Variants in PRR30 observed in about 807,000 individuals in gnomAD.
The protein encoded by PRR30 is proline-rich protein 30.
For missense variants in PRR30, 546 were observed against 525.3 expected (o/e 1.04, Z -0.39); for synonymous variants, 229 against 222.7 (o/e 1.03, Z -0.25).
In PRR30 at chr2:27,137,448, T is replaced by C; in HGVS notation, c.882A>G (p.Ile294Met). The C allele has an allele frequency of 6.2e-7, 1 of 1,612,412 alleles. No individual in the cohort carries two copies. The highest frequency in any genetic ancestry group is 8.5e-7 in the Non-Finnish European group (1 of 1,179,608). The change falls in exon 3 of 3, where the codon ATA (isoleucine) becomes ATG (methionine). Residue 294 changes from isoleucine to methionine, a missense_variant. Physicochemically the swap from Ile to Met is conservative, Grantham distance 10 (BLOSUM62 1). Transcript: ENST00000335524. The surrounding 1 kb of genome is among the most constrained non-coding windows in gnomAD (Gnocchi z 4.3). ...VQGQESGPLR[I>M]GIGFGLRLPQ... Reference sequence around the variant, plus strand: ...GCAGGCGGAGGCCGAAGCCGATGCCTATCCGGAGTGGCCCAGATTCCTGGC... The same window carrying C: ...GCAGGCGGAGGCCGAAGCCGATGCCCATCCGGAGTGGCCCAGATTCCTGGC...
Position 27,137,809 on chromosome 2 carries a change from T to G in PRR30, c.521A>C (p.Gln174Pro). The part of the protein sequence containing the change: ...PPSHRLHSNR[Q>P]TWRWHQYRDT... ...CCTGTACTGATGCCAGCGCCATGTC[T>G]GCCTGTTAGAGTGGAGCCTATGAGA... is the stretch of plus-strand genomic sequence containing the variant. Residue 174 changes from glutamine (Q) to proline (P), a missense_variant, in exon 3 of 3, where the codon CAG becomes CCG. Coordinates refer to ENST00000335524, the MANE Select transcript of PRR30 (RefSeq NM_178553.4). The surrounding 1 kb of genome is among the most constrained non-coding windows in gnomAD (Gnocchi z 4.3). 6.2e-7 allele frequency: 1 copy of G among 1,604,508 alleles called. No individual in the cohort carries two copies.
Position 27,137,538 on chromosome 2 carries a change from G to T in PRR30, c.792C>A (p.Pro264=). The T allele has an allele frequency of 6.3e-7, 1 of 1,587,650 alleles. No homozygotes were observed. Residue 264 remains proline (P), a synonymous_variant, in exon 3 of 3, where the codon CCC becomes CCA. Coordinates refer to ENST00000335524, the MANE Select transcript of PRR30 (RefSeq NM_178553.4). This position sits in a 1 kb window ranked among gnomAD's most constrained non-coding sequence, Gnocchi z 4.3. ...GGGGTCCAGTCCTGTACCTGGGGAG[G>T]GGGCAGGAGGGGCTGCGGGGCCGGA... is the stretch of plus-strand genomic sequence containing the variant. ...VCLRPRSPSC[P]LPRYRTGPRL...
Position 27,137,022 on chromosome 2 carries a change from AGATCTGGGGCCT to A in PRR30, c.*57_*68del. 1 of 1,550,856 alleles carries A rather than the reference AGATCTGGGGCCT, an allele frequency of 6.4e-7. No individual in the cohort carries two copies. The highest frequency in any genetic ancestry group is 8.7e-7 in the Non-Finnish European group (1 of 1,150,078). On this transcript the variant is annotated 3_prime_UTR_variant, in exon 3 of 3. Transcript: ENST00000335524. The surrounding 1 kb of genome is among the most constrained non-coding windows in gnomAD (Gnocchi z 4.3). ...TTCAGGGTGTCTCGGGGACTCCCCG[AGATCTGGGGCCT>A]GGTTGGGAGGGTTGGGTTTGGAGGG... is the stretch of plus-strand genomic sequence containing the variant.
In PRR30 at chr2:27,137,216, G is replaced by C; in HGVS notation, c.1114C>G (p.Arg372Gly). ...SAGLQSPNSP[R>G]CFSGPPPRAP... is the part of the protein sequence containing the mutation. Reference sequence around the variant, plus strand: ...CGAGGTGGAGGCCCGGAGAAACATCGTGGGGAGTTTGGTGATTGAAGGCCT... The same window carrying C: ...CGAGGTGGAGGCCCGGAGAAACATCCTGGGGAGTTTGGTGATTGAAGGCCT... Residue 372 changes from arginine (R) to glycine (G), a missense_variant, in exon 3 of 3, where the codon CGA becomes GGA. By Grantham distance (125) the Arg-to-Gly change is moderately radical (BLOSUM62 -2). Transcript: ENST00000335524. This position sits in a 1 kb window ranked among gnomAD's most constrained non-coding sequence, Gnocchi z 4.3. 1 of 1,614,218 alleles carries C rather than the reference G, an allele frequency of 6.2e-7. No individual in the cohort carries two copies. Among genetic ancestry groups the C allele is most frequent in the Non-Finnish European group, 8.5e-7 (1 of 1,180,022 alleles).
At position 27,137,020 on chromosome 2, in the gene PRR30, C is replaced by G. The variant is rs1356412455; in HGVS notation, c.*71G>C. Reference sequence around the variant, plus strand: ...CCTTCAGGGTGTCTCGGGGACTCCCCGAGATCTGGGGCCTGGTTGGGAGGG... The same window carrying G: ...CCTTCAGGGTGTCTCGGGGACTCCCGGAGATCTGGGGCCTGGTTGGGAGGG... On this transcript the variant is annotated 3_prime_UTR_variant, in exon 3 of 3. Transcript: ENST00000335524. This position sits in a 1 kb window ranked among gnomAD's most constrained non-coding sequence, Gnocchi z 4.3. The G allele has an allele frequency of 1.3e-6, 2 of 1,545,134 alleles. No homozygotes were observed. Among genetic ancestry groups the G allele is most frequent in the Admixed American group, 2.0e-5 (1 of 49,532 alleles).
At position 27,138,452 on chromosome 2, in the gene PRR30, C is replaced by A; in HGVS notation, c.-123G>T. ...TCAAGGCCACCTTCTGTGCGCAGAG[C>A]GTGGCTCCAGCCTGGTGTGGGTGCA... On this transcript the variant is annotated 5_prime_UTR_variant, in exon 3 of 3. Coordinates refer to ENST00000335524, the MANE Select transcript of PRR30 (RefSeq NM_178553.4). 2 of 1,456,956 alleles carry A rather than the reference C, an allele frequency of 1.4e-6. No homozygotes were observed. The highest frequency in any genetic ancestry group is 1.8e-6 in the Non-Finnish European group (2 of 1,104,344). The allele number at this position is 1,456,956 out of a possible 1,614,324, so 90.3% of individuals were successfully genotyped here.
Position 27,138,129 on chromosome 2 carries a change from G to T in PRR30, c.201C>A (p.Pro67=). ...AAGAGCCGAATTGGAAGCCAGGAGA[G>T]GGGGATGCTGGTGGAGGGGAGGAGG... ...RRPSSPPPAS[P]SPGFQFGSCD... The change falls in exon 3 of 3, where the codon CCC becomes CCA. Residue 67 remains proline, a synonymous_variant. Coordinates refer to ENST00000335524, the MANE Select transcript of PRR30 (RefSeq NM_178553.4). 6.2e-7 allele frequency: 1 copy of T among 1,614,056 alleles called. No individual in the cohort carries two copies.
At position 27,136,914 on chromosome 2, in the gene PRR30, T is replaced by G; in HGVS notation, c.*177A>C. 15 of 879,912 alleles carry G rather than the reference T, an allele frequency of 1.7e-5. No individual in the cohort carries two copies. Among genetic ancestry groups the G allele is most frequent in the Non-Finnish European group, 2.4e-5 (14 of 593,038 alleles). The allele number at this position is 879,912 out of a possible 1,614,324, so 54.5% of individuals were successfully genotyped here. ...TGGGGCCTTGGTGCCCTTGGTCCTC[T>G]TCAGCCTGGAGACAGCAGACTCCAC... On this transcript the variant is annotated 3_prime_UTR_variant, in exon 3 of 3. Transcript: ENST00000335524.
At position 27,137,736 on chromosome 2, in the gene PRR30, G is replaced by C. The variant is rs1050563892; in HGVS notation, c.594C>G (p.Ser198Arg). 5 of 1,613,974 alleles carry C rather than the reference G, an allele frequency of 3.1e-6. No homozygotes were observed. Among genetic ancestry groups the C allele is most frequent in the Non-Finnish European group, 4.2e-6 (5 of 1,180,034 alleles). ...CCCTGAACTGTGCAGGATCCTTCTC[G>C]CTTGGCACGCATCTCTCCACCACTC... ...SPGVVERCVP[S>R]EKDPAQFRDP... The change falls in exon 3 of 3, where the codon AGC becomes AGG. Residue 198 changes from serine to arginine, a missense_variant. Ser to Arg is a moderately radical substitution (Grantham distance 110). Transcript: ENST00000335524. This position sits in a 1 kb window ranked among gnomAD's most constrained non-coding sequence, Gnocchi z 4.3.
chr2:27,138,298 G>A lies in PRR30; in HGVS notation c.32C>T (p.Pro11Leu), dbSNP rs1390407015. The A allele has an allele frequency of 1.2e-6, 2 of 1,608,698 alleles. No homozygotes were observed. Among genetic ancestry groups the A allele is most frequent in the East Asian group, 4.5e-5 (2 of 44,766 alleles). ...GCGCCCAGGGAGCACTGAGGTCTGT[G>A]GCAGCACCTGGTCCTTGTTTTGAGG... MLPQNKDQVL[P>L]QTSVLPGRPT... Residue 11 changes from proline (P) to leucine (L), a missense_variant, in exon 3 of 3, where the codon CCA becomes CTA. Pro to Leu is a moderately conservative substitution (Grantham distance 98). Coordinates refer to ENST00000335524, the MANE Select transcript of PRR30 (RefSeq NM_178553.4).
Position 27,138,562 on chromosome 2 carries a change from G to A in PRR30, c.-233C>T, listed in dbSNP as rs1460789189. 3 of 692,240 alleles carry A rather than the reference G, an allele frequency of 4.3e-6. No homozygotes were observed. In the African/African-American group the frequency reaches 5.4e-5, roughly 12 times the overall value. The allele number at this position is 692,240 out of a possible 1,614,324, so 42.9% of individuals were successfully genotyped here. On this transcript the variant is annotated 5_prime_UTR_variant, in exon 3 of 3. The change creates a premature stop within an existing upstream ORF in the 5' untranslated region. Coordinates refer to ENST00000335524, the MANE Select transcript of PRR30 (RefSeq NM_178553.4). ...CAGGCATGAGCATGAATCTAAGCTT[G>A]GCTTCTCACTTCTTTGCAGTCAACC...
rs1417776382 is a variant in PRR30, at chr2:27,137,763, A to G, written c.567T>C (p.Pro189=). The G allele has an allele frequency of 6.2e-7, 1 of 1,613,640 alleles. No individual in the cohort carries two copies. Among genetic ancestry groups the G allele is most frequent in the Admixed American group, 1.7e-5 (1 of 60,004 alleles). ...HQYRDTGSGS[P]GVVERCVPSE... ...TTGGCACGCATCTCTCCACCACTCC[A>G]GGGGACCCGGACCCAGTGTCCCTGT... The change falls in exon 3 of 3, where the codon CCT becomes CCC. Residue 189 remains proline, a synonymous_variant. Transcript: ENST00000335524. This position sits in a 1 kb window ranked among gnomAD's most constrained non-coding sequence, Gnocchi z 4.3.
Position 27,137,535 on chromosome 2 carries a change from G to A in PRR30, c.795C>T (p.Leu265=). The A allele has an allele frequency of 6.3e-7, 1 of 1,587,582 alleles. No homozygotes were observed. The highest frequency in any genetic ancestry group is 8.6e-7 in the Non-Finnish European group (1 of 1,166,220). The change falls in exon 3 of 3, where the codon CTC becomes CTT. Residue 265 remains leucine (L), a synonymous_variant. Transcript: ENST00000335524. The surrounding 1 kb of genome is among the most constrained non-coding windows in gnomAD (Gnocchi z 4.3). ...CLRPRSPSCP[L]PRYRTGPRLL... Reference sequence around the variant, plus strand: ...GCCGGGGTCCAGTCCTGTACCTGGGGAGGGGGCAGGAGGGGCTGCGGGGCC... The same window carrying A: ...GCCGGGGTCCAGTCCTGTACCTGGGAAGGGGGCAGGAGGGGCTGCGGGGCC...
In PRR30 at chr2:27,137,414, G is replaced by A. The variant is rs776401573; in HGVS notation, c.916C>T (p.Gln306Ter). The A allele has an allele frequency of 1.2e-6, 2 of 1,613,440 alleles. No homozygotes were observed. Among genetic ancestry groups the A allele is most frequent in the South Asian group, 1.1e-5 (1 of 91,078 alleles). The change falls in exon 3 of 3, where the codon CAG becomes TAG. Residue 306 changes from glutamine to a stop codon, truncating the protein, a stop_gained. Coordinates refer to ENST00000335524, the MANE Select transcript of PRR30 (RefSeq NM_178553.4). LOFTEE classifies it low-confidence loss of function (END_TRUNC). This position sits in a 1 kb window ranked among gnomAD's most constrained non-coding sequence, Gnocchi z 4.3. The stretch of plus-strand genomic sequence containing the variant: ...GGCAGCAGATGCAAGGCCCTGGCCT[G>A]GCCCTGAGGCAGGCGGAGGCCGAAG... Reference protein sequence around the residue: ...IGFGLRLPQGQARALHLLPEK... With the variant: ...IGFGLRLPQG
Position 27,137,985 on chromosome 2 carries a change from G to C in PRR30, c.345C>G (p.Asn115Lys), listed in dbSNP as rs775909372. ...GAGGGGGAGAGGGGTACAGCCAGTG[G>C]TTGGAGGGAGAGGATGCACGTGGAC... is the stretch of plus-strand genomic sequence containing the variant. ...LPRPRASSPS[N>K]HWLYPSPPLT... Residue 115 changes from asparagine to lysine, a missense_variant, in exon 3 of 3, where the codon AAC becomes AAG. By Grantham distance (94) the Asn-to-Lys change is moderately conservative. Coordinates refer to ENST00000335524, the MANE Select transcript of PRR30 (RefSeq NM_178553.4). The surrounding 1 kb of genome is among the most constrained non-coding windows in gnomAD (Gnocchi z 4.3). 3 of 1,612,192 alleles carry C rather than the reference G, an allele frequency of 1.9e-6. No homozygotes were observed. The Admixed American group carries it at 5.0e-5, about 27-fold the overall frequency.
Position 27,137,026 on chromosome 2 carries a change from C to T in PRR30, c.*65G>A, listed in dbSNP as rs928833920. The T allele has an allele frequency of 8.3e-6, 13 of 1,559,614 alleles. No homozygotes were observed. The Middle Eastern group carries it at 7.5e-4, about 90-fold the overall frequency. ...GGGTGTCTCGGGGACTCCCCGAGATCTGGGGCCTGGTTGGGAGGGTTGGGT... is the reference window on the plus strand; with the variant it reads ...GGGTGTCTCGGGGACTCCCCGAGATTTGGGGCCTGGTTGGGAGGGTTGGGT... On this transcript the variant is annotated 3_prime_UTR_variant, in exon 3 of 3. Transcript: ENST00000335524. The surrounding 1 kb of genome is among the most constrained non-coding windows in gnomAD (Gnocchi z 4.3).
rs1351229271 is a variant in PRR30 at position 27,137,170 on chromosome 2, G to A, written c.1160C>T (p.Thr387Ile). ...PPPRAPKQVTTSLKPRPCPGP... is the reference protein window; with the variant it reads ...PPPRAPKQVTISLKPRPCPGP... ...AGGGCAAGGCCTGGGCTTCAGGGAG[G>A]TAGTGACCTGTTTTGGTGCCCGAGG... The change falls in exon 3 of 3, where the codon ACC becomes ATC. Residue 387 changes from threonine to isoleucine, a missense_variant. By Grantham distance (89) the Thr-to-Ile change is moderately conservative (BLOSUM62 -1). Coordinates refer to ENST00000335524, the MANE Select transcript of PRR30 (RefSeq NM_178553.4). This position sits in a 1 kb window ranked among gnomAD's most constrained non-coding sequence, Gnocchi z 4.3. The A allele has an allele frequency of 6.2e-7, 1 of 1,614,068 alleles. No individual in the cohort carries two copies. The highest frequency in any genetic ancestry group is 1.3e-5 in the African/African-American group (1 of 74,926).
rs750255025 is a variant in PRR30 at position 27,137,913 on chromosome 2, G to C, written c.417C>G (p.Pro139=). The C allele has an allele frequency of 4.4e-6, 7 of 1,608,360 alleles. No individual in the cohort carries two copies. The highest frequency in any genetic ancestry group is 8.5e-7 in the Non-Finnish European group (1 of 1,176,762). ...SPSQPQNSSL[P]HSPCQSPSHP... ...GGGAAGGGGACTGGCAAGGTGAGTG[G>C]GGAAGGGAGGAGTTCTGAGGCTGGG... The change falls in exon 3 of 3, where the codon CCC becomes CCG. Residue 139 remains proline, a synonymous_variant. Transcript: ENST00000335524. The surrounding 1 kb of genome is among the most constrained non-coding windows in gnomAD (Gnocchi z 4.3).
Position 27,137,516 on chromosome 2 carries a change from G to C in PRR30, c.814C>G (p.Pro272Ala). The change falls in exon 3 of 3, where the codon CCC becomes GCC. Residue 272 changes from proline to alanine, a missense_variant. Physicochemically the swap from Pro to Ala is conservative, Grantham distance 27. Transcript: ENST00000335524. This position sits in a 1 kb window ranked among gnomAD's most constrained non-coding sequence, Gnocchi z 4.3. ...SCPLPRYRTG[P>A]RLLAFPQLLP... ...AGTTGAGGGAAAGCAAGCAGCCGGG[G>C]TCCAGTCCTGTACCTGGGGAGGGGG... The C allele has an allele frequency of 6.3e-7, 1 of 1,595,094 alleles. No homozygotes were observed. Among genetic ancestry groups the C allele is most frequent in the Non-Finnish European group, 8.5e-7 (1 of 1,170,294 alleles).
Sources: allele counts gnomAD v4.1 joint callset, GRCh38; gene constraint gnomAD v4.1.1; non-coding constraint Gnocchi (gnomAD v3.1); transcripts MANE v1.5; gene names NCBI Gene and HGNC (gene_info 2026-07-23, HGNC 2026-07-21).